The following METTL8 variants were observed in gnomAD, a reference collection of about 807,000 sequenced individuals.
The protein encoded by METTL8 is tRNA N(3)-cytidine methyltransferase METTL8, mitochondrial.
METTL8 carries 32 observed loss-of-function variants against 48.7 expected under a neutral mutation model. The observed-to-expected ratio is 0.66, with a 90% CI of 0.50 to 0.88. The LOEUF (loss-of-function observed/expected upper bound fraction) is 0.88, where lower values mean the gene tolerates loss of function less well. METTL8 is among the 40% of genes least tolerant of loss of function. METTL8 has a pLI of 0.00. For missense variants in METTL8, 464 were observed against 474.4 expected (o/e 0.98, Z 0.20); for synonymous variants, 136 against 157.1 (o/e 0.87, Z 1.01).
At chr2:171,357,961 G>C (rs1320808391) in intron 3 of METTL8, among the ~76,000 whole-genome samples, 1 of 152,070 alleles carries the variant, frequency 6.6e-6, no homozygotes, top group African/African-American at 2.4e-5. Flanking sequence ...TTCCCAAAAT[G>C]CTGGGATTAC....
chr2:171,404,914 T>C (rs1327306464), intron 1 of METTL8, among the ~76,000 whole-genome samples: 2 of 152,102 alleles, frequency 1.3e-5, no homozygotes, highest in Non-Finnish European at 2.9e-5. Flanking sequence ...TGGCCATGAG[T>C]ATCAACGAGG....
intron 1 of METTL8, among the ~76,000 whole-genome samples, chr2:171,419,785 T>C (rs568933647): frequency 1.3e-5 from 2 of 152,216 alleles, no homozygotes; most frequent in South Asian, 2.1e-4. Context: ...AATTCCACTC[T>C]GTGCTGTACA....
At chr2:171,387,585 G>A (rs1284954782) in intron 2 of METTL8, among the ~76,000 whole-genome samples, 1 of 151,154 alleles carries the variant, frequency 6.6e-6, no homozygotes, top group Non-Finnish European at 1.5e-5. Context: ...GTATGTATGT[G>A]CATATATATA....
chr2:171,324,654 A>G (rs1349382617), intron 9 of METTL8, among the ~76,000 whole-genome samples: 2 of 152,204 alleles, frequency 1.3e-5, no homozygotes, highest in African/African-American at 2.4e-5. Flanking sequence ...TCCCTTTCTG[A>G]GTTTTTGTTG....
intron 2 of METTL8, among the ~76,000 whole-genome samples, chr2:171,368,908 C>T (rs758774899): frequency 1.5e-4 from 23 of 151,916 alleles, no homozygotes; most frequent in Non-Finnish European, 2.6e-4. Context: ...TAAAAAGTTC[C>T]GTGATATGGT....
intron 3 of METTL8, among the ~76,000 whole-genome samples, chr2:171,355,526 C>A (rs926240336): frequency 6.6e-6 from 1 of 152,190 alleles, no homozygotes; most frequent in Non-Finnish European, 1.5e-5. Flanking sequence ...TCTGCAGAAG[C>A]TTCTGCTTCC....
At chr2:171,423,133 GA>G (rs1692044926) in intron 1 of METTL8, among the ~76,000 whole-genome samples, 1 of 152,184 alleles carries the variant, frequency 6.6e-6, no homozygotes, top group Non-Finnish European at 1.5e-5. Flanking sequence ...GCTGCCATGT[GA>G]AGAACGATGT....
At chr2:171,419,306 C>G (rs927654507) in intron 1 of METTL8, among the ~76,000 whole-genome samples, 1 of 152,164 alleles carries the variant, frequency 6.6e-6, no homozygotes, top group Non-Finnish European at 1.5e-5. Flanking sequence ...CAAGTATATA[C>G]ATATATCTAT....
At position 171,318,454 on chromosome 2, in the gene METTL8, C is replaced by A. The variant is rs911153076; in HGVS notation, c.*5718G>T. The A allele has an allele frequency of 2.0e-5, 3 of 152,188 alleles. No homozygotes were observed. The highest frequency in any genetic ancestry group is 2.9e-5 in the Non-Finnish European group (2 of 68,034). 9.4% of individuals were successfully genotyped at this position (152,188 alleles called of 1,614,324 possible). ...ACATTTTAAGGGTTTTTTTTCCCCA[C>A]TGCAGTACAGAATGCTTTTTTTCTT... On this transcript the variant is annotated 3_prime_UTR_variant, in exon 10 of 10. Transcript: ENST00000375258.
At chr2:171,355,440 T>A (rs1684422507) in intron 3 of METTL8, among the ~76,000 whole-genome samples, 1 of 152,220 alleles carries the variant, frequency 6.6e-6, no homozygotes. Context: ...GGAGGCAGTC[T>A]GTCCCTCTCA....
At chr2:171,390,077 C>A (rs1035885741) in intron 2 of METTL8, among the ~76,000 whole-genome samples, 3 of 152,128 alleles carry the variant, frequency 2.0e-5, no homozygotes, top group African/African-American at 7.2e-5. Flanking sequence ...TTACTATTCC[C>A]AAAATCCTAG....
Position 171,388,597 on chromosome 2 carries a change from C to T in METTL8, c.143+3446G>A, listed in dbSNP as rs142668510. ...AATTCAACAATATTTGTGTGTCAGG[C>T]ATTGTGCTATGTACTGCAGGCAATA... On this transcript the variant is annotated intron_variant, in intron 2 of 9. Transcript: ENST00000375258. Among the ~76,000 whole-genome samples the T allele has an allele frequency of 4.5e-4, 68 of 152,254 alleles. No individual in the cohort carries two copies. The East Asian group carries it at 0.012, about 26-fold the overall frequency.
chr2:171,422,874 T>C (rs1692012305), intron 1 of METTL8, among the ~76,000 whole-genome samples: 1 of 152,176 alleles, frequency 6.6e-6, no homozygotes, highest in Non-Finnish European at 1.5e-5. Flanking sequence ...TATAACAACA[T>C]ACAGAGTCAA....
intron 2 of METTL8, among the ~76,000 whole-genome samples, chr2:171,389,509 T>C: frequency 1.1e-5 from 1 of 90,838 alleles, no homozygotes; most frequent in Admixed American, 1.7e-4. Flanking sequence ...AGTCTCCCTG[T>C]CTCACAAAAA....
intron 2 of METTL8, among the ~76,000 whole-genome samples, chr2:171,388,966 CCTGT>C (rs1221264056): frequency 1.3e-5 from 2 of 152,066 alleles, no homozygotes; most frequent in Admixed American, 6.6e-5. Context: ...CCTGGCTTTC[CCTGT>C]CTATTTCCCT....
In METTL8 at chr2:171,339,378, T is replaced by C. The variant is rs1475966173; in HGVS notation, c.412A>G (p.Thr138Ala). Residue 138 changes from threonine to alanine, a missense_variant, in exon 4 of 10, where the codon ACA (threonine) becomes GCA (alanine). Coordinates refer to ENST00000375258, the MANE Select transcript of METTL8 (RefSeq NM_001321154.2). ...CAGTGCATTCTTGAGAAACGATTTG[T>C]AGCACTAGTTTTTACATGATCCCAT... ...SSWDHVKTSA[T>A]NRFSRMHCPT... 4 of 1,613,302 alleles carry C rather than the reference T, an allele frequency of 2.5e-6. No homozygotes were observed. The highest frequency in any genetic ancestry group is 1.7e-5 in the Admixed American group (1 of 60,000).
chr2:171,356,039 T>C (rs1470495600), intron 3 of METTL8, among the ~76,000 whole-genome samples: 1 of 152,190 alleles, frequency 6.6e-6, no homozygotes, highest in East Asian at 1.9e-4. Flanking sequence ...AATGCAGAAA[T>C]CACCCGTCTT....
Position 171,316,147 on chromosome 2 carries a change from G to A in METTL8, c.*8025C>T, listed in dbSNP as rs907266331. Among the ~76,000 whole-genome samples the A allele has an allele frequency of 6.6e-6, 1 of 152,190 alleles. No individual in the cohort carries two copies. The highest frequency in any genetic ancestry group is 2.4e-5 in the African/African-American group (1 of 41,438). On this transcript the variant is annotated 3_prime_UTR_variant, in exon 10 of 10. Coordinates refer to ENST00000375258, the MANE Select transcript of METTL8 (RefSeq NM_001321154.2). The stretch of plus-strand genomic sequence containing the variant: ...TTAAAAGTCAAAGCTAAATGAGTAT[G>A]CAATAAAGCTTTGAGAAATGGAAAA...
rs113170813 is a variant in METTL8, at chr2:171,423,963, G to A, written c.-13+9920C>T. On this transcript the variant is annotated intron_variant, in intron 1 of 9. Transcript: ENST00000375258. Reference sequence around the variant, plus strand: ...CTAGGAGGGAAAAGTGGTTTCCTGGGCTGGATGCAGGGCCCTCCTACTGTG... The same window carrying A: ...CTAGGAGGGAAAAGTGGTTTCCTGGACTGGATGCAGGGCCCTCCTACTGTG... Among the ~76,000 whole-genome samples, 501 of 152,260 alleles carry A rather than the reference G, an allele frequency of 3.3e-3. 1 individual carries two copies. The highest frequency in any genetic ancestry group is 0.011 in the African/African-American group (460 of 41,558).
Sources: allele counts gnomAD v4.1 joint callset (sites outside exome capture counted in the v4.1 genomes callset), GRCh38; gene constraint gnomAD v4.1.1; transcripts MANE v1.5; gene names NCBI Gene and HGNC (gene_info 2026-07-23, HGNC 2026-07-21).